The following SHISA6 variants were observed in gnomAD, a reference collection of about 807,000 sequenced individuals.
SHISA6 encodes protein shisa-6.
A neutral mutation model predicts 47.9 loss-of-function variants in SHISA6; 22 were observed. The ratio of observed to expected loss-of-function variants is 0.46; its 90% CI spans 0.33 to 0.66. SHISA6 has a LOEUF of 0.66. Among genes scored for constraint, SHISA6 ranks in the 30% least tolerant of loss-of-function variants. SHISA6 has a pLI of 0.02. For missense variants in SHISA6, 680 were observed against 764.6 expected, an observed-to-expected ratio of 0.89 and a Z score of 1.30; for synonymous variants, 388 against 337.8, an observed-to-expected ratio of 1.15 and a Z score of -1.63.
intron 2 of SHISA6, among the ~76,000 whole-genome samples, chr17:11,277,270 TCTCTCTCTCTCACACACA>T (rs1316077246): frequency 4.6e-4 from 52 of 114,048 alleles, no homozygotes; most frequent in East Asian, 6.4e-4. Context: ...TCTCTCTCTC[TCTCTCTCTCTCACACACA>T]CACACACACA....
At chr17:11,285,714 A>C (rs1264903144) in intron 2 of SHISA6, among the ~76,000 whole-genome samples, 3 of 152,162 alleles carry the variant, frequency 2.0e-5, no homozygotes, top group Admixed American at 6.5e-5. Context: ...TGGTCAAGAC[A>C]CAGATTAGCG....
chr17:11,443,763 A>G (rs1488117217), intron 3 of SHISA6, among the ~76,000 whole-genome samples: 1 of 152,222 alleles, frequency 6.6e-6, no homozygotes, highest in Non-Finnish European at 1.5e-5. Context: ...ATTATTAAAA[A>G]TAGAAGTAGA....
chr17:11,332,922 T>C (rs545864849), intron 2 of SHISA6, among the ~76,000 whole-genome samples: 2 of 152,122 alleles, frequency 1.3e-5, no homozygotes, highest in Admixed American at 6.6e-5. Context: ...CGGGTGGTGG[T>C]AGAAGTCAAA....
At chr17:11,411,708 T>C (rs756528795) in intron 3 of SHISA6, among the ~76,000 whole-genome samples, 3 of 152,200 alleles carry the variant, frequency 2.0e-5, no homozygotes, top group Non-Finnish European at 4.4e-5. Flanking sequence ...CCAAAATCAC[T>C]TCTAATTCAC....
intron 3 of SHISA6, among the ~76,000 whole-genome samples, chr17:11,388,533 G>A (rs911222199): frequency 3.3e-5 from 5 of 151,838 alleles, no homozygotes; most frequent in African/African-American, 1.2e-4. Context: ...GTCTGGATAC[G>A]GAGAACCTGT....
intron 3 of SHISA6, among the ~76,000 whole-genome samples, chr17:11,386,514 C>G (rs1249293554): frequency 1.3e-5 from 2 of 151,974 alleles, no homozygotes; most frequent in East Asian, 3.9e-4. Context: ...CAGTAGTCAG[C>G]CAGAAGGGAG....
intron 2 of SHISA6, among the ~76,000 whole-genome samples, chr17:11,273,328 G>A (rs1330541026): frequency 3.9e-5 from 6 of 152,190 alleles, no homozygotes; most frequent in Admixed American, 1.3e-4. Context: ...TTCTGAAGCC[G>A]TGTGTCTACA....
chr17:11,285,560 T>A (rs1052929936), intron 2 of SHISA6, among the ~76,000 whole-genome samples: 2 of 152,210 alleles, frequency 1.3e-5, no homozygotes, highest in Admixed American at 1.3e-4. Context: ...GTGGAATTAA[T>A]CAAGTTTGAT....
At chr17:11,510,166 A>G (rs2071530860) in intron 3 of SHISA6, among the ~76,000 whole-genome samples, 1 of 150,434 alleles carries the variant, frequency 6.6e-6, no homozygotes, top group Non-Finnish European at 1.5e-5. Flanking sequence ...TTACTCACTG[A>G]CCCCTTCCCG....
intron 1 of SHISA6, among the ~76,000 whole-genome samples, chr17:11,244,223 A>T (rs11078889): frequency 0.88 from 134,132 of 152,118 alleles, 59,320 homozygotes; most frequent in Admixed American, 0.94. Flanking sequence ...CAAGTTCACC[A>T]CCTGATTTTA....
intron 3 of SHISA6, among the ~76,000 whole-genome samples, chr17:11,530,566 A>T (rs1412519786): frequency 6.6e-6 from 1 of 152,212 alleles, no homozygotes; most frequent in African/African-American, 2.4e-5. Flanking sequence ...GGACACAGAG[A>T]TACTCAGCTG....
intron 3 of SHISA6, among the ~76,000 whole-genome samples, chr17:11,501,953 T>C (rs1449452834): frequency 6.6e-6 from 1 of 152,158 alleles, no homozygotes; most frequent in Non-Finnish European, 1.5e-5. Flanking sequence ...AGGGGACAAT[T>C]CCTTGATAAC....
At chr17:11,342,591 C>T (rs1000971546) in intron 2 of SHISA6, among the ~76,000 whole-genome samples, 2 of 152,194 alleles carry the variant, frequency 1.3e-5, no homozygotes, top group Non-Finnish European at 2.9e-5. Flanking sequence ...AACCTCATTT[C>T]CCATTAGCAG....
chr17:11,436,481 T>A (rs943702308), intron 3 of SHISA6, among the ~76,000 whole-genome samples: 1 of 152,206 alleles, frequency 6.6e-6, no homozygotes, highest in Admixed American at 6.5e-5. Flanking sequence ...CACAACTACT[T>A]ATGGATTTCT....
At chr17:11,302,022 C>T (rs1184332671) in intron 2 of SHISA6, among the ~76,000 whole-genome samples, 1 of 152,090 alleles carries the variant, frequency 6.6e-6, no homozygotes, top group African/African-American at 2.4e-5. Context: ...AACGGAAACC[C>T]CTGATAAACC....
intron 2 of SHISA6, among the ~76,000 whole-genome samples, chr17:11,284,178 T>C (rs981359422): frequency 1.3e-5 from 2 of 152,216 alleles, no homozygotes; most frequent in African/African-American, 4.8e-5. Context: ...TTTGGGATTA[T>C]GTTCAACTTC....
intron 3 of SHISA6, among the ~76,000 whole-genome samples, chr17:11,413,953 T>C (rs1257940271): frequency 2.0e-5 from 3 of 152,254 alleles, no homozygotes; most frequent in Non-Finnish European, 1.5e-5. Flanking sequence ...CAGGGACTTA[T>C]TAGCAAAAAC....
intron 2 of SHISA6, among the ~76,000 whole-genome samples, chr17:11,328,724 G>GA (rs890573863): frequency 4.6e-5 from 7 of 152,034 alleles, no homozygotes; most frequent in Non-Finnish European, 1.0e-4. Flanking sequence ...ACACACAAAT[G>GA]AAAAAAATAA....
intron 3 of SHISA6, among the ~76,000 whole-genome samples, chr17:11,416,440 A>G (rs1914284181): frequency 6.6e-6 from 1 of 152,088 alleles, no homozygotes; most frequent in South Asian, 2.1e-4. Flanking sequence ...TGGCTGGTCC[A>G]TCTCATCTCA....
Sources: allele counts gnomAD v4.1 joint callset (sites outside exome capture counted in the v4.1 genomes callset), GRCh38; gene constraint gnomAD v4.1.1; transcripts MANE v1.5; gene names NCBI Gene and HGNC (gene_info 2026-07-23, HGNC 2026-07-21).